Variants in KIF1B observed in about 807,000 individuals in gnomAD.
KIF1B encodes the protein kinesin-like protein KIF1B.
KIF1B carries 76 observed loss-of-function variants against 241.9 expected under a neutral mutation model. The observed-to-expected ratio is 0.31, with a 90% confidence interval of 0.26 to 0.38. The LOEUF is 0.38. Ranked by LOEUF, KIF1B falls within the 10% of genes least tolerant of loss-of-function variation. The probability of loss-of-function intolerance (pLI) is 1.00; values close to 1 mark genes in which losing one functional copy is unlikely to be tolerated. For missense variants in KIF1B, 1,622 were observed against 2,271.4 expected, an observed-to-expected ratio of 0.71 and a Z score of 5.81; for synonymous variants, 750 against 796.7, an observed-to-expected ratio of 0.94 and a Z score of 0.99.
intron 38 of KIF1B, among the ~76,000 whole-genome samples, chr1:10,356,543 C>T (rs960852340): frequency 2.7e-4 from 41 of 151,368 alleles, no homozygotes; most frequent in African/African-American, 9.2e-4. Flanking sequence ...TTTCTTGAGA[C>T]GGGGTGTTGC....
intron 38 of KIF1B, among the ~76,000 whole-genome samples, chr1:10,356,687 G>A (rs1020900196): frequency 1.3e-5 from 2 of 152,046 alleles, no homozygotes; most frequent in African/African-American, 4.8e-5. Context: ...GGATCATGAG[G>A]TCAAGAGATC....
chr1:10,280,779 G>C (rs781747253), intron 14 of KIF1B, among the ~76,000 whole-genome samples: 3 of 152,196 alleles, frequency 2.0e-5, no homozygotes, highest in Non-Finnish European at 4.4e-5. Context: ...AGGTGTTGCT[G>C]CTGCCAGCTT....
At chr1:10,329,512 A>T (rs145494370) in intron 27 of KIF1B, among the ~76,000 whole-genome samples, 4,402 of 152,248 alleles carry the variant, frequency 0.029, 68 homozygotes, top group African/African-American at 0.039. Flanking sequence ...AGGTGGGCAG[A>T]TCATGAGGTC....
intron 45 of KIF1B, among the ~76,000 whole-genome samples, chr1:10,373,056 C>T (rs1234878121): frequency 6.6e-6 from 1 of 151,726 alleles, no homozygotes; most frequent in African/African-American, 2.4e-5. Context: ...ACCTTATGAT[C>T]CACCCGCCTC....
intron 2 of KIF1B, among the ~76,000 whole-genome samples, chr1:10,237,613 C>G (rs1400880838): frequency 6.6e-6 from 1 of 152,004 alleles, no homozygotes; most frequent in Non-Finnish European, 1.5e-5. Context: ...GTTTATTACT[C>G]ATATTATATG....
intron 13 of KIF1B, 157 bp from the exon 14 acceptor site, chr1:10,278,940 C>T (rs929218411): frequency 2.4e-5 from 12 of 508,014 alleles, no homozygotes; most frequent in African/African-American, 3.8e-5. Context: ...GATTAGAGTC[C>T]GAGTTTAGAT....
At chr1:10,293,406 T>G (rs1050258890) in intron 17 of KIF1B, among the ~76,000 whole-genome samples, 1 of 150,156 alleles carries the variant, frequency 6.7e-6, no homozygotes, top group Non-Finnish European at 1.5e-5. Flanking sequence ...TTTTTTTTTT[T>G]TTTTTTTTGA....
chr1:10,273,773 G>A (rs1020239328), intron 10 of KIF1B, among the ~76,000 whole-genome samples: 1 of 143,786 alleles, frequency 7.0e-6, no homozygotes, highest in African/African-American at 2.6e-5. Context: ...CCACTAAGAG[G>A]CCAGCCATGT....
chr1:10,238,743 C>T (rs1647092727), intron 2 of KIF1B, among the ~76,000 whole-genome samples: 1 of 151,476 alleles, frequency 6.6e-6, no homozygotes, highest in South Asian at 2.1e-4. Context: ...CAACAAAAAA[C>T]ACCAAAAGAA....
chr1:10,326,207 T>C lies in KIF1B; in HGVS notation c.2772T>C (p.Ala924=), dbSNP rs772671650. 1 of 1,614,168 alleles carries C rather than the reference T, an allele frequency of 6.2e-7. No individual in the cohort carries two copies. Among genetic ancestry groups the C allele is most frequent in the South Asian group, 1.1e-5 (1 of 91,086 alleles). The part of the protein sequence containing the change: ...STADSDITEL[A]DEQQDEMEDF... ...CCGATTCCGACATCACTGAGCTGGC[T>C]GACGAGCAGCAAGATGAGATGGAGG... Residue 924 remains alanine, a synonymous_variant, in exon 27 of 49, where the codon GCT becomes GCC. Coordinates refer to ENST00000676179, the MANE Select transcript of KIF1B (RefSeq NM_001365951.3). This position sits in a 1 kb window ranked among gnomAD's most constrained non-coding sequence, Gnocchi z 5.2.
chr1:10,246,494 C>A (rs1039999715), intron 2 of KIF1B, among the ~76,000 whole-genome samples: 14 of 152,130 alleles, frequency 9.2e-5, no homozygotes, highest in African/African-American at 3.4e-4. Context: ...GCCTGTAATC[C>A]CAGCACTTTG....
At chr1:10,280,253 T>G (rs1387170039) in intron 14 of KIF1B, among the ~76,000 whole-genome samples, 2 of 152,104 alleles carry the variant, frequency 1.3e-5, no homozygotes, top group Non-Finnish European at 2.9e-5. Context: ...TTTTCTTTTT[T>G]GAGATGGAGT....
intron 22 of KIF1B, among the ~76,000 whole-genome samples, chr1:10,299,583 A>G (rs984954579): frequency 6.6e-6 from 1 of 152,260 alleles, no homozygotes; most frequent in Non-Finnish European, 1.5e-5. Context: ...ATTATTAATC[A>G]GTAAATATTT....
At chr1:10,244,270 G>A (rs1647175575) in intron 2 of KIF1B, among the ~76,000 whole-genome samples, 1 of 148,744 alleles carries the variant, frequency 6.7e-6, no homozygotes, top group Non-Finnish European at 1.5e-5. Flanking sequence ...TATAAGCAGT[G>A]TATAAAATAT....
At chr1:10,235,081 G>T (rs1027653447) in intron 2 of KIF1B, among the ~76,000 whole-genome samples, 1 of 151,432 alleles carries the variant, frequency 6.6e-6, no homozygotes. Context: ...GTAGAGATGG[G>T]GTTTCACCAT....
At chr1:10,247,918 G>A (rs1003219360) in intron 2 of KIF1B, among the ~76,000 whole-genome samples, 6 of 152,222 alleles carry the variant, frequency 3.9e-5, no homozygotes, top group African/African-American at 1.4e-4. Flanking sequence ...TAAGGAGCGG[G>A]CAACCTAGAT....
intron 7 of KIF1B, among the ~76,000 whole-genome samples, chr1:10,269,084 AG>A (rs1490414555): frequency 6.6e-6 from 1 of 152,188 alleles, no homozygotes; most frequent in African/African-American, 2.4e-5. Context: ...TTAAGCTTCA[AG>A]TTAGGTTTAT....
chr1:10,249,971 T>A (rs1458398076), intron 2 of KIF1B, among the ~76,000 whole-genome samples: 1 of 150,548 alleles, frequency 6.6e-6, no homozygotes, highest in Non-Finnish European at 1.5e-5. Context: ...TTTCTTTTTT[T>A]GTTGTTGCTT....
chr1:10,238,140 G>A (rs754137683), intron 2 of KIF1B, among the ~76,000 whole-genome samples: 38 of 152,010 alleles, frequency 2.5e-4, no homozygotes, highest in Non-Finnish European at 4.6e-4. Context: ...TAGCACTTTG[G>A]GAGGCCAAGT....
Sources: allele counts gnomAD v4.1 joint callset (sites outside exome capture counted in the v4.1 genomes callset), GRCh38; gene constraint gnomAD v4.1.1; non-coding constraint Gnocchi (gnomAD v3.1); transcripts MANE v1.5; gene names NCBI Gene and HGNC (gene_info 2026-07-23, HGNC 2026-07-21).